TSPAN5: variants seen among roughly 807,000 people sequenced by gnomAD.
TSPAN5 encodes the protein tetraspanin-5.
A neutral mutation model predicts 37.1 loss-of-function variants in TSPAN5; 10 were observed. The observed-to-expected ratio is 0.27, with a 90% confidence interval of 0.17 to 0.46. The LOEUF (loss-of-function observed/expected upper bound fraction) is 0.46, where lower values mean the gene tolerates loss of function less well. TSPAN5 is among the 20% of genes least tolerant of loss of function. The pLI is 1.00. For synonymous variants in TSPAN5, 110 were observed against 118.9 expected (o/e 0.93, Z 0.48); for missense variants, 195 against 326.6 (o/e 0.60, Z 3.11).
rs17027861 is a variant in TSPAN5, at chr4:98,617,660, A to G, written c.81+40486T>C. ...CTGACACCCCTTCTAAAATAGGCCAACAGCTCCAAAGTGGTTATGGCCTTC... is the reference window on the plus strand; with the variant it reads ...CTGACACCCCTTCTAAAATAGGCCAGCAGCTCCAAAGTGGTTATGGCCTTC... On this transcript the variant is annotated intron_variant, in intron 1 of 7. Transcript: ENST00000305798. Among the ~76,000 whole-genome samples, 591 of 152,330 alleles carry G rather than the reference A, an allele frequency of 3.9e-3. 4 individuals are homozygous for G. The highest frequency in any genetic ancestry group is 0.013 in the African/African-American group (553 of 41,574).
intron 1 of TSPAN5, among the ~76,000 whole-genome samples, chr4:98,592,428 G>GTTTTTTTTTTTTTTTT (rs35941064): frequency 8.4e-6 from 1 of 119,104 alleles, no homozygotes; most frequent in African/African-American, 3.2e-5. Flanking sequence ...TCTGTTTTTT[G>GTTTTTTTTTTTTTTTT]TTTTTTTTTT....
chr4:98,501,736 AT>A (rs1174636127), intron 2 of TSPAN5, among the ~76,000 whole-genome samples: 8 of 152,206 alleles, frequency 5.3e-5, no homozygotes, highest in Non-Finnish European at 1.2e-4. Flanking sequence ...AGCACACAGT[AT>A]GAAAGCAAAT....
At chr4:98,634,207 A>C (rs1179468547) in intron 1 of TSPAN5, among the ~76,000 whole-genome samples, 5 of 152,228 alleles carry the variant, frequency 3.3e-5, no homozygotes, top group African/African-American at 1.2e-4. Context: ...TTGGCAGCAC[A>C]AGCAGGCAAA....
chr4:98,593,116 T>G (rs1482037449), intron 1 of TSPAN5, among the ~76,000 whole-genome samples: 7 of 46,600 alleles, frequency 1.5e-4, no homozygotes, highest in African/African-American at 4.0e-4. Flanking sequence ...CCTGACTTTT[T>G]AATGATTGCC....
chr4:98,522,227 C>A (rs994904958), intron 1 of TSPAN5, among the ~76,000 whole-genome samples: 6 of 152,312 alleles, frequency 3.9e-5, no homozygotes, highest in African/African-American at 1.4e-4. Context: ...AGTACACTGA[C>A]TTCTTGTTAG....
chr4:98,510,663 G>A (rs1753583367), intron 1 of TSPAN5, among the ~76,000 whole-genome samples: 1 of 152,186 alleles, frequency 6.6e-6, no homozygotes, highest in African/African-American at 2.4e-5. Context: ...ATTTAAAGAA[G>A]ACTCACAGAC....
At position 98,651,370 on chromosome 4, in the gene TSPAN5, T is replaced by C. The variant is rs1757181956; in HGVS notation, c.81+6776A>G. Among the ~76,000 whole-genome samples the C allele has an allele frequency of 3.3e-5, 5 of 152,198 alleles. No homozygotes were observed. In the South Asian group the frequency reaches 8.3e-4, roughly 25 times the overall value. On this transcript the variant is annotated intron_variant, in intron 1 of 7. Transcript: ENST00000305798. ...ACATGTAACTAAATACAAAGTGTGG[T>C]TCTGACCTGAATTCTTTTGCTTTAA...
At chr4:98,490,994 G>A (rs1404752968) in intron 2 of TSPAN5, among the ~76,000 whole-genome samples, 4 of 152,004 alleles carry the variant, frequency 2.6e-5, no homozygotes, top group Admixed American at 6.6e-5. Context: ...CCCGGGAGGC[G>A]GAGCTTGCAG....
intron 1 of TSPAN5, among the ~76,000 whole-genome samples, chr4:98,513,175 G>A (rs553503397): frequency 6.6e-5 from 10 of 152,324 alleles, no homozygotes; most frequent in Middle Eastern, 3.4e-3. Flanking sequence ...TGTGGCTGGT[G>A]CACAGAGAAT....
intron 1 of TSPAN5, among the ~76,000 whole-genome samples, chr4:98,559,310 A>T (rs1754826517): frequency 6.6e-6 from 1 of 152,244 alleles, no homozygotes; most frequent in South Asian, 2.1e-4. Context: ...GCTAAACATG[A>T]CCGGATATTC....
At chr4:98,507,631 A>ATTAT in intron 2 of TSPAN5, 47 bp downstream of exon 2, 1 of 1,435,040 alleles carries the variant, frequency 7.0e-7, no homozygotes, top group South Asian at 1.2e-5. Context: ...TATGATGTGC[A>ATTAT]GCCTCTAACA....
chr4:98,592,439 T>TG (rs1475645801), intron 1 of TSPAN5, among the ~76,000 whole-genome samples: 11 of 148,990 alleles, frequency 7.4e-5, no homozygotes, highest in African/African-American at 2.8e-4. Flanking sequence ...TTTTTTTTTT[T>TG]TTTTTTTTTA....
chr4:98,581,778 G>A lies in TSPAN5; in HGVS notation c.82-74050C>T, dbSNP rs534888927. Among the ~76,000 whole-genome samples, 114 of 152,100 alleles carry A rather than the reference G, an allele frequency of 7.5e-4. 1 individual carries two copies. The highest frequency in any genetic ancestry group is 2.1e-3 in the African/African-American group (87 of 41,498). On this transcript the variant is annotated intron_variant, in intron 1 of 7. Coordinates refer to ENST00000305798, the MANE Select transcript of TSPAN5 (RefSeq NM_005723.4). ...CCAGAAATATTTCAAAGTAACCTGC[G>A]CAGCCAGTAATTTGCTTATAGATGT...
chr4:98,550,860 G>A (rs1013026462), intron 1 of TSPAN5, among the ~76,000 whole-genome samples: 2 of 152,142 alleles, frequency 1.3e-5, no homozygotes, highest in Admixed American at 1.3e-4. Flanking sequence ...CAATTTGGAT[G>A]TCTTTTATTA....
chr4:98,585,366 G>C (rs1038680720), intron 1 of TSPAN5, among the ~76,000 whole-genome samples: 2 of 152,006 alleles, frequency 1.3e-5, no homozygotes, highest in Non-Finnish European at 2.9e-5. Context: ...CTGGAGTGCA[G>C]TGGCGCAATC....
intron 1 of TSPAN5, among the ~76,000 whole-genome samples, chr4:98,608,926 A>G (rs1226728632): frequency 6.6e-6 from 1 of 152,210 alleles, no homozygotes; most frequent in Non-Finnish European, 1.5e-5. Context: ...GAAACAAAAC[A>G]AAACAAAACT....
At chr4:98,476,508 A>G in intron 5 of TSPAN5, 48 bp from the exon 6 acceptor site, 1 of 1,583,630 alleles carries the variant, frequency 6.3e-7, no homozygotes, top group South Asian at 1.1e-5. Flanking sequence ...ATTAGACAGA[A>G]AGCCCACCTA....
At chr4:98,621,788 AC>A (rs373904542) in intron 1 of TSPAN5, among the ~76,000 whole-genome samples, 43 of 130,508 alleles carry the variant, frequency 3.3e-4, no homozygotes, top group East Asian at 1.6e-3. Context: ...CCTCATTCCC[AC>A]CCCCCCCGCA....
intron 1 of TSPAN5, among the ~76,000 whole-genome samples, chr4:98,625,657 C>T (rs1282956490): frequency 2.0e-5 from 3 of 152,206 alleles, no homozygotes; most frequent in Non-Finnish European, 2.9e-5. Context: ...CTATTACTAT[C>T]TTTAAATGGC....
Sources: gnomAD v4.1 joint callset for allele counts (sites outside exome capture counted in the v4.1 genomes callset) on GRCh38, gnomAD v4.1.1 for gene constraint, MANE v1.5 for transcripts, NCBI Gene and HGNC (gene_info 2026-07-23, HGNC 2026-07-21) for gene names.